Variants in XXYLT1 observed in about 807,000 individuals in gnomAD.
XXYLT1 encodes UDP-xylose:alpha-xyloside alpha-1,3-xylosyltransferase.
In XXYLT1, 20 loss-of-function variants were observed where a neutral mutation model predicts 28.9. The ratio of observed to expected loss-of-function variants is 0.69; its 90% CI spans 0.49 to 1.00. The LOEUF (loss-of-function observed/expected upper bound fraction) is 1.00. XXYLT1 is among the 50% of genes least tolerant of loss of function. The pLI is 0.00. For missense variants in XXYLT1, 542 were observed against 560.1 expected (o/e 0.97, Z 0.33); for synonymous variants, 257 against 253.8 (o/e 1.01, Z -0.12).
At chr3:195,090,867 T>C (rs965734922) in intron 3 of XXYLT1, among the ~76,000 whole-genome samples, 12 of 151,388 alleles carry the variant, frequency 7.9e-5, no homozygotes, top group Non-Finnish European at 1.6e-4. Context: ...CTCACAGAAA[T>C]ACAAACTACC....
intron 3 of XXYLT1, among the ~76,000 whole-genome samples, chr3:195,145,726 C>G (rs114402445): frequency 1.6e-4 from 25 of 152,254 alleles, no homozygotes; most frequent in Non-Finnish European, 3.2e-4. Context: ...AATGAGCGCT[C>G]GTCTACAGAC....
intron 1 of XXYLT1, among the ~76,000 whole-genome samples, chr3:195,258,783 A>G (rs1203558194): frequency 1.3e-5 from 2 of 152,210 alleles, no homozygotes; most frequent in Non-Finnish European, 2.9e-5. Flanking sequence ...AGAGGCAAAC[A>G]ATATATTGCC....
chr3:195,159,010 C>T (rs1025093913), intron 2 of XXYLT1, among the ~76,000 whole-genome samples: 4 of 152,072 alleles, frequency 2.6e-5, no homozygotes, highest in African/African-American at 9.7e-5. Flanking sequence ...GAAGTAACAT[C>T]GCAGAGAAGA....
intron 3 of XXYLT1, among the ~76,000 whole-genome samples, chr3:195,137,900 C>T (rs143859760): frequency 6.6e-6 from 1 of 152,188 alleles, no homozygotes; most frequent in Admixed American, 6.5e-5. Context: ...CAGGCTTTAT[C>T]AGACACACCC....
At chr3:195,109,500 C>CGT (rs145975941) in intron 3 of XXYLT1, among the ~76,000 whole-genome samples, 99,320 of 143,524 alleles carry the variant, frequency 0.69, 34,977 homozygotes, top group Middle Eastern at 0.72. Flanking sequence ...GGTATGTGTA[C>CGT]GTGTGTGGTG....
At chr3:195,084,156 T>G (rs1048924834) in intron 3 of XXYLT1, among the ~76,000 whole-genome samples, 3 of 152,188 alleles carry the variant, frequency 2.0e-5, no homozygotes, top group African/African-American at 7.2e-5. Context: ...CAGAAAGGAT[T>G]CCTAGCGGGC....
chr3:195,208,234 T>C (rs1295112667), intron 2 of XXYLT1, among the ~76,000 whole-genome samples: 1 of 152,314 alleles, frequency 6.6e-6, no homozygotes, highest in Non-Finnish European at 1.5e-5. Context: ...TGTACATTTA[T>C]GTAAATGTCC....
chr3:195,218,763 C>T (rs1343831358), intron 2 of XXYLT1, among the ~76,000 whole-genome samples: 5 of 150,782 alleles, frequency 3.3e-5, no homozygotes, highest in African/African-American at 1.2e-4. Flanking sequence ...GTGGCGATTC[C>T]TCAGGGATCT....
intron 2 of XXYLT1, among the ~76,000 whole-genome samples, chr3:195,164,466 C>T (rs577645053): frequency 6.6e-6 from 1 of 152,376 alleles, no homozygotes; most frequent in South Asian, 2.1e-4. Context: ...CCTCTGTCCC[C>T]TGCCTCACAC....
intron 3 of XXYLT1, among the ~76,000 whole-genome samples, chr3:195,153,378 C>T (rs189233003): frequency 4.6e-5 from 7 of 152,266 alleles, no homozygotes; most frequent in Admixed American, 4.6e-4. Context: ...CAGCGGGGCA[C>T]GCGGCAGGCA....
intron 2 of XXYLT1, among the ~76,000 whole-genome samples, chr3:195,179,478 A>G (rs1352604899): frequency 6.6e-6 from 1 of 152,170 alleles, no homozygotes; most frequent in African/African-American, 2.4e-5. Context: ...CTCTGACCAG[A>G]AAAGGATATG....
At chr3:195,135,235 C>T (rs755192420) in intron 3 of XXYLT1, among the ~76,000 whole-genome samples, 5 of 152,146 alleles carry the variant, frequency 3.3e-5, no homozygotes, top group African/African-American at 4.8e-5. Context: ...GTGTCCCTCC[C>T]ATTCCCAGAA....
At chr3:195,228,784 G>A (rs537848803) in intron 1 of XXYLT1, among the ~76,000 whole-genome samples, 6 of 151,618 alleles carry the variant, frequency 4.0e-5, no homozygotes, top group African/African-American at 9.7e-5. Context: ...CACCACACCC[G>A]GCCTATTTCC....
At chr3:195,213,358 G>C (rs1440023747) in intron 2 of XXYLT1, among the ~76,000 whole-genome samples, 1 of 150,828 alleles carries the variant, frequency 6.6e-6, no homozygotes. Context: ...TCCACTTCCT[G>C]GGTTCAAGTG....
intron 2 of XXYLT1, chr3:195,175,735 G>A (rs1314154980): frequency 6.5e-7 from 1 of 1,535,096 alleles, no homozygotes. Context: ...GACTGTAGCA[G>A]TGAGAAGCCA....
intron 3 of XXYLT1, among the ~76,000 whole-genome samples, chr3:195,145,304 G>A (rs1361811835): frequency 6.6e-6 from 1 of 152,068 alleles, no homozygotes; most frequent in Non-Finnish European, 1.5e-5. Flanking sequence ...ACGGTTACCA[G>A]CATTGATGGG....
chr3:195,143,195 A>G (rs796854242), intron 3 of XXYLT1, among the ~76,000 whole-genome samples: 10 of 152,336 alleles, frequency 6.6e-5, no homozygotes, highest in African/African-American at 2.4e-4. Context: ...TTGGGAAAAA[A>G]CAAAGTTGGA....
chr3:195,112,671 G>A (rs946224479), intron 3 of XXYLT1, among the ~76,000 whole-genome samples: 27 of 148,806 alleles, frequency 1.8e-4, no homozygotes, highest in African/African-American at 5.0e-5. Flanking sequence ...CGGGTGGTGG[G>A]AATAGTTGGA....
rs148394264 is a variant in XXYLT1, at chr3:195,153,262, T to A, written c.785+3187A>T. ...TCCCCAGAGGTCCCCAGTCTTCTTG[T>A]GAAAGAAGGCAAAAAACATGCTCAA... On this transcript the variant is annotated intron_variant, in intron 3 of 3. Transcript: ENST00000310380. Among the ~76,000 whole-genome samples, 19 of 152,290 alleles carry A rather than the reference T, an allele frequency of 1.2e-4. No homozygotes were observed. In the East Asian group the frequency reaches 3.3e-3, roughly 26 times the overall value.
Sources: gnomAD v4.1 joint callset for allele counts (sites outside exome capture counted in the v4.1 genomes callset) on GRCh38, gnomAD v4.1.1 for gene constraint, MANE v1.5 for transcripts, NCBI Gene and HGNC (gene_info 2026-07-23, HGNC 2026-07-21) for gene names.